Variants in TFAP2A observed in about 807,000 individuals in gnomAD.
TFAP2A encodes transcription factor AP-2 alpha.
Under a neutral mutation model 41.5 loss-of-function variants are expected in TFAP2A, and 7 were observed. The observed-to-expected ratio is 0.17, with a 90% CI of 0.10 to 0.32. The LOEUF is 0.32. TFAP2A is among the 10% of genes least tolerant of loss of function. The pLI, the probability that TFAP2A is intolerant of heterozygous loss-of-function variation, is 1.00. For missense variants in TFAP2A, 416 were observed against 563.3 expected, an observed-to-expected ratio of 0.74 and a Z score of 2.65; for synonymous variants, 247 against 242.8, an observed-to-expected ratio of 1.02 and a Z score of -0.16.
chr6:10,407,031 C>T (rs550211255), intron 2 of TFAP2A, 187 bp from the exon 3 acceptor site: 1 of 630,248 alleles, frequency 1.6e-6, no homozygotes, highest in African/African-American at 1.8e-5. Flanking sequence ...AGAGGTTTCA[C>T]TGCACACCCA....
chr6:10,408,955 A>T (rs1390007072), intron 2 of TFAP2A: 1 of 152,258 alleles, frequency 6.6e-6, no homozygotes, highest in African/African-American at 2.4e-5. Flanking sequence ...TTTCCTCTCC[A>T]AAGAAAAGCA....
At chr6:10,401,165 C>T (rs933722038) in intron 5 of TFAP2A, among the ~76,000 whole-genome samples, 3 of 152,306 alleles carry the variant, frequency 2.0e-5, no homozygotes, top group Middle Eastern at 6.8e-3. Flanking sequence ...TCCGGAAGAA[C>T]GCATGCGCCA....
At chr6:10,416,790 C>T (rs544268919), upstream of TFAP2A, 3 of 152,428 alleles carry the variant, frequency 2.0e-5, no homozygotes, top group East Asian at 5.8e-4. Context: ...TCCCTCCAAA[C>T]ACCTCAGCAA....
chr6:10,402,798 G>C (rs995752476), intron 4 of TFAP2A, among the ~76,000 whole-genome samples, 188 bp from the exon 5 acceptor site: 1 of 152,198 alleles, frequency 6.6e-6, no homozygotes, highest in Non-Finnish European at 1.5e-5. Context: ...CTGTTAAACT[G>C]TAAAGCACCC....
At position 10,397,783 on chromosome 6, in the gene TFAP2A, A is replaced by T. The variant is rs559552401; in HGVS notation, c.*634T>A. 2.3e-6 allele frequency: 2 copies of T among 884,284 alleles called. No homozygotes were observed. Among genetic ancestry groups the T allele is most frequent in the African/African-American group, 3.6e-5 (2 of 55,196 alleles). 54.8% of individuals were successfully genotyped at this position (884,284 alleles called of 1,614,324 possible). ...ATATAACTGCGAATCGTGTTGCCAG[A>T]GAAAGTTCAAGTTGGTCGCTTTACC... is the stretch of plus-strand genomic sequence containing the variant. On this transcript the variant is annotated 3_prime_UTR_variant, in exon 7 of 7. Transcript: ENST00000379613.
intron 1 of TFAP2A, among the ~76,000 whole-genome samples, chr6:10,413,636 C>T (rs1483646682): frequency 6.6e-6 from 1 of 152,244 alleles, no homozygotes; most frequent in Non-Finnish European, 1.5e-5. Context: ...CAGGACCCCC[C>T]CAGGGAAGAG....
At chr6:10,417,112 A>C (rs954354485), upstream of TFAP2A, 1 of 152,412 alleles carries the variant, frequency 6.6e-6, no homozygotes, top group Non-Finnish European at 1.5e-5. Flanking sequence ...TAGCCTGAGC[A>C]GGCCAAACCC....
At chr6:10,408,554 A>C (rs1757817618) in intron 2 of TFAP2A, among the ~76,000 whole-genome samples, 1 of 152,242 alleles carries the variant, frequency 6.6e-6, no homozygotes, top group Non-Finnish European at 1.5e-5. Context: ...CTCTTATATA[A>C]ATTAGTGCTC....
intron 1 of TFAP2A, chr6:10,411,067 C>T (rs1757945518): frequency 6.8e-6 from 1 of 147,592 alleles, no homozygotes; most frequent in Non-Finnish European, 1.5e-5. Context: ...CCGCCCCTTC[C>T]ACCCCAGCCC....
chr6:10,415,149 A>AAGG (rs984530947), upstream of TFAP2A: 16 of 1,511,586 alleles, frequency 1.1e-5, no homozygotes, highest in East Asian at 2.5e-5. Flanking sequence ...GGAGGAGGGC[A>AAGG]AGGAGGAGGA....
At chr6:10,412,649 A>G in intron 1 of TFAP2A, 1 of 318,174 alleles carries the variant, frequency 3.1e-6, no homozygotes, top group Non-Finnish European at 6.5e-6. Context: ...GCTGCTTGGG[A>G]CCGCGTCCGG....
rs775856482 is a variant in TFAP2A, at chr6:10,402,329, A to G, written c.889+163T>C. 1.8e-5 allele frequency: 13 copies of G among 724,200 alleles called. No homozygotes were observed. The Admixed American group carries it at 2.5e-4, about 14-fold the overall frequency. The allele number at this position is 724,200 out of a possible 1,614,324, so 44.9% of individuals were successfully genotyped here. A position where few individuals can be genotyped will look rare whatever the true frequency, so the allele number is the denominator to read the frequency against. ...GATGGAGGTATAGGAGTACATGCAA[A>G]TGTTTCTTTTTGCCATGAAATAATT... On this transcript the variant is annotated intron_variant, in intron 5 of 6. Coordinates refer to ENST00000379613, the MANE Select transcript of TFAP2A (RefSeq NM_001372066.1).
At position 10,397,660 on chromosome 6, in the gene TFAP2A, TAAA is replaced by T. The variant is rs61569279; in HGVS notation, c.*754_*756del. On this transcript the variant is annotated 3_prime_UTR_variant, in exon 7 of 7. Transcript: ENST00000379613. ...CAAGAGGTAAACAAGATCAGATAAA[TAAA>T]AAAAAAAAGGCTTAAAACAGACTCA... 6.2e-6 allele frequency: 1 copy of T among 161,672 alleles called. No homozygotes were observed. The highest frequency in any genetic ancestry group is 1.2e-5 in the Non-Finnish European group (1 of 82,220). The allele number at this position is 161,672 out of a possible 1,614,324, so 10.0% of individuals were successfully genotyped here. A position where few individuals can be genotyped will look rare whatever the true frequency, so the allele number is the denominator to read the frequency against.
chr6:10,402,428 C>T (rs773363127), intron 5 of TFAP2A, 64 bp downstream of exon 5: 4 of 1,187,312 alleles, frequency 3.4e-6, no homozygotes. Flanking sequence ...AAACATCTGG[C>T]CACTAAATAT....
chr6:10,415,243 C>T, upstream of TFAP2A: 4 of 1,450,186 alleles, frequency 2.8e-6, no homozygotes, highest in South Asian at 5.7e-5. Context: ...CCCGTGTGCG[C>T]TCGGAGATCT....
intron 1 of TFAP2A, among the ~76,000 whole-genome samples, chr6:10,414,140 C>T (rs1397987867): frequency 6.6e-6 from 1 of 152,242 alleles, no homozygotes; most frequent in Non-Finnish European, 1.5e-5. Flanking sequence ...GGTCTGCAGC[C>T]GCGCAAGGAT....
chr6:10,406,873 AGT>A, intron 2 of TFAP2A, 29 bp from the exon 3 acceptor site: 1 of 1,562,512 alleles, frequency 6.4e-7, no homozygotes, highest in Non-Finnish European at 8.8e-7. Flanking sequence ...CATGGATGTA[AGT>A]GTATCATCAA....
rs1757738066 is a variant in TFAP2A, at chr6:10,406,850, A to G, written c.487-6T>C. On this transcript the variant is annotated splice_region_variant and splice_polypyrimidine_tract_variant and intron_variant, in intron 2 of 6. Transcript: ENST00000379613. ...ATACCCGGGTCTTCTACATGCTGCA[A>G]CAAAAGGATACACATGGATGTAAGT... The G allele has an allele frequency of 6.2e-7, 1 of 1,608,586 alleles. No individual in the cohort carries two copies.
chr6:10,419,429 C>T (rs1422923319), upstream of TFAP2A: 2 of 1,614,052 alleles, frequency 1.2e-6, no homozygotes. Flanking sequence ...TGCCAGTCCC[C>T]CATTTTGGCA....
Sources: allele counts gnomAD v4.1 joint callset (sites outside exome capture counted in the v4.1 genomes callset), GRCh38; gene constraint gnomAD v4.1.1; transcripts MANE v1.5; gene names NCBI Gene and HGNC (gene_info 2026-07-23, HGNC 2026-07-21).